The following PIEZO2 variants were observed in gnomAD, a reference collection of about 807,000 sequenced individuals.
PIEZO2 encodes piezo type mechanosensitive ion channel component 2.
PIEZO2 carries 172 observed loss-of-function variants against 337.3 expected under a neutral mutation model. That is an observed-to-expected ratio of 0.51 (90% CI 0.45 to 0.58). The LOEUF is 0.58. Among genes scored for constraint, PIEZO2 ranks in the 20% least tolerant of loss-of-function variants. PIEZO2 has a pLI of 0.00. For synonymous variants in PIEZO2, 1,251 were observed against 1,228.5 expected, an observed-to-expected ratio of 1.02 and a Z score of -0.38; for missense variants, 3,028 against 3,391.3, an observed-to-expected ratio of 0.89 and a Z score of 2.66.
intron 1 of PIEZO2, among the ~76,000 whole-genome samples, chr18:11,122,979 G>A (rs1863695301): frequency 1.4e-5 from 2 of 141,520 alleles, no homozygotes; most frequent in Admixed American, 1.5e-4. Context: ...ATATATCAAT[G>A]CATACATATA....
At position 10,704,642 on chromosome 18, in the gene PIEZO2, C is replaced by T. The variant is rs1303110248; in HGVS notation, c.6010G>A (p.Asp2004Asn). The T allele has an allele frequency of 4.6e-6, 7 of 1,536,282 alleles. No individual in the cohort carries two copies. The highest frequency in any genetic ancestry group is 1.4e-5 in the African/African-American group (1 of 73,156). Residue 2004 changes from aspartate to asparagine, a missense_variant, in exon 42 of 56, where the codon GAC (aspartate) becomes AAC (asparagine). By Grantham distance (23) the Asp-to-Asn change is conservative. This residue lies in a region of PIEZO2 where 1,925 missense variants were observed against 2,051.9 expected (regional missense o/e 0.94). Coordinates refer to ENST00000674853, the MANE Select transcript of PIEZO2 (RefSeq NM_001378183.1). ...TTCTCTGACTCTTCAAGCTCATCGTCGTGAAACATCCTGTTAAAGCAAACC... is the reference window on the plus strand; with the variant it reads ...TTCTCTGACTCTTCAAGCTCATCGTTGTGAAACATCCTGTTAAAGCAAACC... ...SELLLKKMFH[D>N]DELEESEKFY...
chr18:10,701,924 G>A (rs558699901), intron 43 of PIEZO2, 65 bp downstream of exon 43: 84 of 1,370,848 alleles, frequency 6.1e-5, no homozygotes, highest in Non-Finnish European at 7.2e-5. Flanking sequence ...TATCTAGGAA[G>A]ATTACGGTCC....
At chr18:11,088,540 A>G (rs2038977481) in intron 1 of PIEZO2, among the ~76,000 whole-genome samples, 1 of 152,208 alleles carries the variant, frequency 6.6e-6, no homozygotes, top group East Asian at 1.9e-4. Context: ...TTTGATCACT[A>G]GCATTATTAA....
chr18:11,142,321 T>G (rs2040676396), intron 1 of PIEZO2, among the ~76,000 whole-genome samples: 1 of 152,238 alleles, frequency 6.6e-6, no homozygotes, highest in Non-Finnish European at 1.5e-5. Flanking sequence ...ACTAGACAGT[T>G]AAGAAATTAT....
intron 18 of PIEZO2, 97 bp downstream of exon 18, chr18:10,780,228 C>T (rs2038931180): frequency 5.8e-6 from 4 of 685,308 alleles, no homozygotes; most frequent in Non-Finnish European, 8.0e-6. Flanking sequence ...TGTCCACTAT[C>T]TGACAACACG....
intron 1 of PIEZO2, among the ~76,000 whole-genome samples, chr18:11,091,993 A>G (rs1598946811): frequency 6.6e-6 from 1 of 152,222 alleles, no homozygotes; most frequent in East Asian, 1.9e-4. Flanking sequence ...TCCCCACGCT[A>G]TTAGTGAATC....
rs1162528140 is a variant in PIEZO2, at chr18:11,092,676, G to GA, written c.65-26455dup. 6.6e-6 allele frequency among the ~76,000 whole-genome samples: 1 copy of GA among 152,124 alleles called. No homozygotes were observed. The highest frequency in any genetic ancestry group is 1.5e-5 in the Non-Finnish European group (1 of 68,026). On this transcript the variant is annotated intron_variant, in intron 1 of 55. Transcript: ENST00000674853. This position sits in a 1 kb window ranked among gnomAD's most constrained non-coding sequence, Gnocchi z 4.5. ...CAACCTGATCCAAACCTTGGATCCT[G>GA]AAAAATGTGAACAAAAAGAGCTTTG...
intron 2 of PIEZO2, among the ~76,000 whole-genome samples, chr18:11,058,220 C>T (rs1223282442): frequency 7.9e-5 from 12 of 152,194 alleles, no homozygotes; most frequent in Non-Finnish European, 5.9e-5. Flanking sequence ...CAGCAAACTC[C>T]AACACACCTG....
Position 10,702,084 on chromosome 18 carries a change from G to A in PIEZO2, c.6346C>T (p.Pro2116Ser). Residue 2116 changes from proline to serine, a missense_variant, in exon 43 of 56, where the codon CCC becomes TCC. Pro to Ser is a moderately conservative substitution (Grantham distance 74). Around this residue, in one of 5 missense-constraint regions of PIEZO2, gnomAD observed 1,925 missense variants for 2,051.9 expected, o/e 0.94. Coordinates refer to ENST00000674853, the MANE Select transcript of PIEZO2 (RefSeq NM_001378183.1). ...VEVNKDKPYH[P>S]PNIIGVEKKE... ...TTTTCCACTCCTATGATGTTTGGGG[G>A]GTGATACGGTTTATCTTTGTTCACC... The A allele has an allele frequency of 6.5e-7, 1 of 1,536,862 alleles. No homozygotes were observed. Among genetic ancestry groups the A allele is most frequent in the South Asian group, 1.2e-5 (1 of 84,002 alleles).
intron 21 of PIEZO2, among the ~76,000 whole-genome samples, chr18:10,764,437 C>A (rs1476921490): frequency 6.6e-6 from 1 of 152,026 alleles, no homozygotes; most frequent in Non-Finnish European, 1.5e-5. Context: ...GTCAGGAGTT[C>A]AAGACCGGCC....
chr18:11,093,662 C>T (rs1373825734), intron 1 of PIEZO2, among the ~76,000 whole-genome samples: 1 of 141,926 alleles, frequency 7.0e-6, no homozygotes, highest in African/African-American at 2.6e-5. Context: ...TCTCGGCTCA[C>T]TGCAAGCTCC....
rs6416988 is a variant in PIEZO2, at chr18:11,132,007, A to G, written c.64+16518T>C. Among the ~76,000 whole-genome samples the G allele has an allele frequency of 0.85, 129,803 of 152,188 alleles. 55,541 individuals are homozygous for G. The highest frequency in any genetic ancestry group is 0.91 in the African/African-American group (37,806 of 41,528). On this transcript the variant is annotated intron_variant, in intron 1 of 55. Transcript: ENST00000674853. This position sits in a 1 kb window ranked among gnomAD's most constrained non-coding sequence, Gnocchi z 4.7. ...GACCTGGCTGCAGCCGCTGCTGAGT[A>G]CCCAATTTGCCAACAGCAGAGACCA... is the stretch of plus-strand genomic sequence containing the variant.
At position 11,096,122 on chromosome 18, in the gene PIEZO2, T is replaced by C. The variant is rs1022893852; in HGVS notation, c.65-29900A>G. 5.9e-5 allele frequency among the ~76,000 whole-genome samples: 9 copies of C among 152,180 alleles called. No individual in the cohort carries two copies. The highest frequency in any genetic ancestry group is 2.2e-4 in the African/African-American group (9 of 41,460). On this transcript the variant is annotated intron_variant, in intron 1 of 55. Coordinates refer to ENST00000674853, the MANE Select transcript of PIEZO2 (RefSeq NM_001378183.1). The surrounding 1 kb of genome is among the most constrained non-coding windows in gnomAD (Gnocchi z 4.6). ...GTGAGGCTTCCATTCTCTAAGCCGG[T>C]CCACATGGAGCCCTCACTCTGTTGC...
At chr18:10,896,211 A>T (rs1282943701) in intron 4 of PIEZO2, among the ~76,000 whole-genome samples, 1 of 152,180 alleles carries the variant, frequency 6.6e-6, no homozygotes, top group Non-Finnish European at 1.5e-5. Context: ...GTAATAGTGA[A>T]TGAGTCAAAC....
At chr18:10,960,032 A>G (rs2033699041) in intron 3 of PIEZO2, among the ~76,000 whole-genome samples, 1 of 152,132 alleles carries the variant, frequency 6.6e-6, no homozygotes, top group Non-Finnish European at 1.5e-5. Context: ...ATATTTGTAC[A>G]AGTCCACAAA....
Position 10,778,184 on chromosome 18 carries a change from G to C in PIEZO2, c.2534+2141C>G, listed in dbSNP as rs543889958. On this transcript the variant is annotated intron_variant, in intron 18 of 55. Coordinates refer to ENST00000674853, the MANE Select transcript of PIEZO2 (RefSeq NM_001378183.1). Reference sequence around the variant, plus strand: ...ATAAAGAAATAATGAGAGAAAGCAAGCTTATATACTTTATTAAAGGATTCA... The same window carrying C: ...ATAAAGAAATAATGAGAGAAAGCAACCTTATATACTTTATTAAAGGATTCA... Among the ~76,000 whole-genome samples, 67 of 152,168 alleles carry C rather than the reference G, an allele frequency of 4.4e-4. 1 individual carries two copies. The highest frequency in any genetic ancestry group is 1.5e-3 in the African/African-American group (61 of 41,500).
At chr18:10,869,595 T>A (rs549320325) in intron 5 of PIEZO2, among the ~76,000 whole-genome samples, 10 of 152,338 alleles carry the variant, frequency 6.6e-5, no homozygotes, top group Admixed American at 2.0e-4. Flanking sequence ...ATTATTTAAA[T>A]AAAGTCATTT....
Position 10,872,563 on chromosome 18 carries a change from C to G in PIEZO2, c.330-1148G>C, listed in dbSNP as rs2042165318. ...TTAATAGGCACTGGCAGACTTCTCA[C>G]ACCATTCAGCACACGACACGGGCCA... On this transcript the variant is annotated intron_variant, in intron 4 of 55. Transcript: ENST00000674853. This position sits in a 1 kb window ranked among gnomAD's most constrained non-coding sequence, Gnocchi z 4.3. Among the ~76,000 whole-genome samples the G allele has an allele frequency of 6.6e-6, 1 of 152,014 alleles. No individual in the cohort carries two copies. The highest frequency in any genetic ancestry group is 2.1e-4 in the South Asian group (1 of 4,830).
chr18:10,744,741 T>A (rs1044972127), intron 30 of PIEZO2, among the ~76,000 whole-genome samples: 4 of 152,216 alleles, frequency 2.6e-5, no homozygotes, highest in Non-Finnish European at 5.9e-5. Flanking sequence ...CTCTTCTTCC[T>A]GTCCTTCCAC....
Sources: gnomAD v4.1 joint callset for allele counts (sites outside exome capture counted in the v4.1 genomes callset) on GRCh38, gnomAD v4.1.1 for gene constraint, gnomAD v4.1.1 regional missense constraint, Gnocchi (gnomAD v3.1) non-coding constraint, MANE v1.5 for transcripts, NCBI Gene and HGNC (gene_info 2026-07-23, HGNC 2026-07-21) for gene names.